The following LYPD6B variants were observed in gnomAD, a reference collection of about 807,000 sequenced individuals.
The protein encoded by LYPD6B is ly6/PLAUR domain-containing protein 6B.
LYPD6B carries 17 observed loss-of-function variants against 22.8 expected under a neutral mutation model. That is an observed-to-expected ratio of 0.75 (90% confidence interval 0.51 to 1.12). The LOEUF is 1.12. LYPD6B is among the 50% of genes most tolerant of loss of function. LYPD6B has a pLI of 0.00. For missense variants in LYPD6B, 221 were observed against 258.3 expected (o/e 0.86, Z 0.99); for synonymous variants, 106 against 91.6 (o/e 1.16, Z -0.90).
At chr2:149,160,363 T>C (rs535977418) in intron 2 of LYPD6B, 82 of 451,882 alleles carry the variant, frequency 1.8e-4, no homozygotes, top group African/African-American at 1.5e-3. Flanking sequence ...GTCTTCATTG[T>C]GGATGTGTTG....
chr2:149,104,122 G>A (rs190395723), intron 1 of LYPD6B, among the ~76,000 whole-genome samples: 18 of 152,086 alleles, frequency 1.2e-4, no homozygotes, highest in South Asian at 6.2e-4. Context: ...CCATTGTATC[G>A]TTATGCCCAC....
At chr2:149,095,501 G>A (rs964518872) in intron 1 of LYPD6B, among the ~76,000 whole-genome samples, 3 of 152,146 alleles carry the variant, frequency 2.0e-5, no homozygotes, top group African/African-American at 7.2e-5. Context: ...TTAGAAATTT[G>A]TATGCACTTA....
intron 1 of LYPD6B, among the ~76,000 whole-genome samples, chr2:149,041,071 C>G (rs1683059064): frequency 6.8e-6 from 1 of 148,024 alleles, no homozygotes. Context: ...TGAGCTCCAG[C>G]CTGGGCAGCA....
chr2:149,188,330 C>T (rs572615218), intron 3 of LYPD6B, among the ~76,000 whole-genome samples: 1 of 152,248 alleles, frequency 6.6e-6, no homozygotes, highest in Admixed American at 6.5e-5. Context: ...TAAATAGGCC[C>T]TACCTTGGAT....
intron 3 of LYPD6B, among the ~76,000 whole-genome samples, chr2:149,181,691 A>C (rs1437845925): frequency 6.6e-6 from 1 of 152,178 alleles, no homozygotes; most frequent in Non-Finnish European, 1.5e-5. Flanking sequence ...CCATTTTCCT[A>C]TCATACCCTG....
At chr2:149,125,856 G>T (rs1687668821) in intron 1 of LYPD6B, among the ~76,000 whole-genome samples, 1 of 152,120 alleles carries the variant, frequency 6.6e-6, no homozygotes, top group Middle Eastern at 3.4e-3. Flanking sequence ...CTAAAGTAAG[G>T]TCTTTAGATA....
At chr2:149,093,249 C>A (rs1055801730) in intron 1 of LYPD6B, among the ~76,000 whole-genome samples, 1 of 151,968 alleles carries the variant, frequency 6.6e-6, no homozygotes, top group Admixed American at 6.6e-5. Context: ...GGATGTGTCG[C>A]ATTGGTGGTG....
At chr2:149,168,738 T>C (rs1405100421) in intron 3 of LYPD6B, among the ~76,000 whole-genome samples, 1 of 152,226 alleles carries the variant, frequency 6.6e-6, no homozygotes, top group African/African-American at 2.4e-5. Flanking sequence ...TGAATGAATG[T>C]GTTTGGACAA....
intron 1 of LYPD6B, among the ~76,000 whole-genome samples, chr2:149,095,780 G>T (rs981915099): frequency 9.2e-5 from 14 of 151,830 alleles, no homozygotes. Context: ...GACAGAAAGT[G>T]GGAGACAGGA....
intron 1 of LYPD6B, among the ~76,000 whole-genome samples, chr2:149,055,399 G>A (rs1444458268): frequency 6.6e-6 from 1 of 152,142 alleles, no homozygotes; most frequent in Non-Finnish European, 1.5e-5. Flanking sequence ...CCATGGATGA[G>A]CTTGTTAATT....
At chr2:149,143,385 A>G (rs541424354) in intron 2 of LYPD6B, among the ~76,000 whole-genome samples, 26 of 151,874 alleles carry the variant, frequency 1.7e-4, no homozygotes, top group African/African-American at 6.3e-4. Context: ...ACCTTCGGTG[A>G]GAAATGGCAG....
At chr2:149,063,214 A>C (rs1684172073) in intron 1 of LYPD6B, among the ~76,000 whole-genome samples, 1 of 152,192 alleles carries the variant, frequency 6.6e-6, no homozygotes, top group African/African-American at 2.4e-5. Context: ...AATCTTGACC[A>C]AATTAAACAA....
At chr2:149,159,934 T>C (rs1689946497) in intron 2 of LYPD6B, among the ~76,000 whole-genome samples, 1 of 152,172 alleles carries the variant, frequency 6.6e-6, no homozygotes, top group African/African-American at 2.4e-5. Flanking sequence ...CTTCTTGGCA[T>C]GGACTGATGT....
chr2:149,185,309 T>G (rs1692019921), intron 3 of LYPD6B, among the ~76,000 whole-genome samples: 1 of 152,234 alleles, frequency 6.6e-6, no homozygotes, highest in Non-Finnish European at 1.5e-5. Flanking sequence ...GATTGCCATC[T>G]GCTGACACAC....
chr2:149,110,220 C>CA (rs1316377128), intron 1 of LYPD6B, among the ~76,000 whole-genome samples: 1 of 151,990 alleles, frequency 6.6e-6, no homozygotes, highest in East Asian at 1.9e-4. Context: ...TATATTTCTA[C>CA]TTAACTTTTC....
intron 1 of LYPD6B, among the ~76,000 whole-genome samples, chr2:149,040,713 T>A (rs374314294): frequency 6.6e-6 from 1 of 152,160 alleles, no homozygotes; most frequent in East Asian, 1.9e-4. Flanking sequence ...ACAGGACATG[T>A]TCATTTTACT....
At chr2:149,100,416 C>CAAAAAAAAAAAAA (rs58068035) in intron 1 of LYPD6B, among the ~76,000 whole-genome samples, 3 of 67,970 alleles carry the variant, frequency 4.4e-5, no homozygotes, top group East Asian at 4.8e-4. Flanking sequence ...TTGGCTTTGA[C>CAAAAAAAAAAAAA]AAAAAAAAAA....
intron 1 of LYPD6B, among the ~76,000 whole-genome samples, chr2:149,040,365 AC>A (rs1683022459): frequency 2.0e-5 from 3 of 152,148 alleles, no homozygotes; most frequent in South Asian, 4.2e-4. Context: ...AGCTGGAGTT[AC>A]AGGCGCCGGC....
intron 1 of LYPD6B, among the ~76,000 whole-genome samples, chr2:149,092,737 C>T (rs922492272): frequency 2.6e-5 from 4 of 152,204 alleles, no homozygotes; most frequent in African/African-American, 9.6e-5. Flanking sequence ...TTTATGCTCT[C>T]TTGTAAAGTG....
Sources: allele counts gnomAD v4.1 joint callset (sites outside exome capture counted in the v4.1 genomes callset), GRCh38; gene constraint gnomAD v4.1.1; transcripts MANE v1.5; gene names NCBI Gene and HGNC (gene_info 2026-07-23, HGNC 2026-07-21).